SNAI1: variants seen among roughly 807,000 people sequenced by gnomAD.
SNAI1 encodes the protein zinc finger protein SNAI1.
Under a neutral mutation model 24.7 loss-of-function variants are expected in SNAI1, and 15 were observed. The ratio of observed to expected loss-of-function variants is 0.61; its 90% CI spans 0.41 to 0.93. The LOEUF is 0.93. Ranked by LOEUF, SNAI1 falls within the 40% of genes least tolerant of loss-of-function variation. The pLI, the probability that SNAI1 is intolerant of heterozygous loss-of-function variation, is 0.00. For synonymous variants in SNAI1, 163 were observed against 142.9 expected (o/e 1.14, Z -1.00); for missense variants, 283 against 336.7 (o/e 0.84, Z 1.25).
chr20:49,985,539 C>T (rs1021957413), intron 2 of SNAI1, among the ~76,000 whole-genome samples: 1 of 152,226 alleles, frequency 6.6e-6, no homozygotes, highest in Non-Finnish European at 1.5e-5. Flanking sequence ...TTGAACCCCT[C>T]AGGGTGCTGC....
chr20:49,984,754 C>T lies in SNAI1; in HGVS notation c.610+403C>T, dbSNP rs2078328756. 2.0e-5 allele frequency among the ~76,000 whole-genome samples: 3 copies of T among 152,238 alleles called. No homozygotes were observed. The South Asian group carries it at 6.2e-4, about 31-fold the overall frequency. On this transcript the variant is annotated intron_variant, in intron 2 of 2. Transcript: ENST00000244050. ...CTGAATCCTTCTTTGAGAACTTTCT[C>T]AAAACTTAGGCTGATGTTTCTCTTC...
At position 49,988,849 on chromosome 20, in the gene SNAI1, T is replaced by C. The variant is rs916509166; in HGVS notation, c.*793T>C. The C allele has an allele frequency of 6.6e-6, 1 of 152,668 alleles. No homozygotes were observed. Among genetic ancestry groups the C allele is most frequent in the African/African-American group, 2.4e-5 (1 of 41,458 alleles). 9.5% of individuals were successfully genotyped at this position (152,668 alleles called of 1,614,324 possible). A position where few individuals can be genotyped will look rare whatever the true frequency, so the allele number is the denominator to read the frequency against. ...TTTGTATAGTTATATGTACAGTTTA[T>C]TGATATTCAATAAAGCAGTTAATTT... is the stretch of plus-strand genomic sequence containing the variant. On this transcript the variant is annotated 3_prime_UTR_variant, in exon 3 of 3. Coordinates refer to ENST00000244050, the MANE Select transcript of SNAI1 (RefSeq NM_005985.4).
rs77654531 is a variant in SNAI1, at chr20:49,986,306, T to C, written c.611-1566T>C. 0.016 allele frequency among the ~76,000 whole-genome samples: 2,401 copies of C among 151,772 alleles called. 191 individuals are homozygous for C. The East Asian group carries it at 0.24, about 15-fold the overall frequency. On this transcript the variant is annotated intron_variant, in intron 2 of 2. Coordinates refer to ENST00000244050, the MANE Select transcript of SNAI1 (RefSeq NM_005985.4). ...CCTCTATGTCCCCCACCCTTTGGAGTGGCGAGTTTCCATTTCTGCCCCATG... is the reference window on the plus strand; with the variant it reads ...CCTCTATGTCCCCCACCCTTTGGAGCGGCGAGTTTCCATTTCTGCCCCATG...
At position 49,986,015 on chromosome 20, in the gene SNAI1, G is replaced by A. The variant is rs552781081; in HGVS notation, c.610+1664G>A. 2.2e-5 allele frequency among the ~76,000 whole-genome samples: 3 copies of A among 139,462 alleles called. No individual in the cohort carries two copies. The East Asian group carries it at 5.9e-4, about 27-fold the overall frequency. The allele number at this position is 139,462 out of a possible 152,430, so 91.5% of individuals were successfully genotyped here. A position where few individuals can be genotyped will look rare whatever the true frequency, so the allele number is the denominator to read the frequency against. On this transcript the variant is annotated intron_variant, in intron 2 of 2. Coordinates refer to ENST00000244050, the MANE Select transcript of SNAI1 (RefSeq NM_005985.4). ...GGGTTCAGGTCTCATCACACTTTGG[G>A]CACTTACTGTACAGGAGGGTAGTGC... is the stretch of plus-strand genomic sequence containing the variant.
chr20:49,983,772 T>C lies in SNAI1; in HGVS notation c.83-52T>C. On this transcript the variant is annotated intron_variant, in intron 1 of 2. Coordinates refer to ENST00000244050, the MANE Select transcript of SNAI1 (RefSeq NM_005985.4). ...CTGGCCAGCGGTGGGCTCATGTTTG[T>C]TGATTGAGTGAATGATTTAATTAAC... 2.0e-6 allele frequency: 3 copies of C among 1,507,340 alleles called. No individual in the cohort carries two copies. The South Asian group carries it at 3.9e-5, about 19-fold the overall frequency. The allele number at this position is 1,507,340 out of a possible 1,614,324, so 93.4% of individuals were successfully genotyped here.
At chr20:49,984,557 C>T (rs1049221068) in intron 2 of SNAI1, among the ~76,000 whole-genome samples, 7 of 152,234 alleles carry the variant, frequency 4.6e-5, no homozygotes, top group African/African-American at 1.7e-4. Context: ...GACACCTTCC[C>T]AATCCCCTGC....
chr20:49,987,015 G>C (rs901375201), intron 2 of SNAI1, among the ~76,000 whole-genome samples: 22 of 152,342 alleles, frequency 1.4e-4, no homozygotes, highest in African/African-American at 5.3e-4. Flanking sequence ...CCATGTGCAA[G>C]ACTTTTCCCA....
At chr20:49,985,912 G>A (rs2078332472) in intron 2 of SNAI1, among the ~76,000 whole-genome samples, 1 of 152,240 alleles carries the variant, frequency 6.6e-6, no homozygotes, top group South Asian at 2.1e-4. Context: ...AGGAGTGGGG[G>A]TCTGTGCCTC....
Position 49,983,023 on chromosome 20 carries a change from T to G in SNAI1, c.-37T>G. The G allele has an allele frequency of 6.6e-7, 1 of 1,511,596 alleles. No homozygotes were observed. The highest frequency in any genetic ancestry group is 9.1e-7 in the Non-Finnish European group (1 of 1,100,336). The allele number at this position is 1,511,596 out of a possible 1,614,324, so 93.6% of individuals were successfully genotyped here. On this transcript the variant is annotated 5_prime_UTR_variant, in exon 1 of 3. Transcript: ENST00000244050. ...CTAGCGAGTGGTTCTTCTGCGCTAC[T>G]GCTGCGCGAATCGGCGACCCCAGTG...
chr20:49,983,902 C>T lies in SNAI1; in HGVS notation c.161C>T (p.Ala54Val), dbSNP rs1027943358. 1 of 1,613,408 alleles carries T rather than the reference C, an allele frequency of 6.2e-7. No homozygotes were observed. Among genetic ancestry groups the T allele is most frequent in the Non-Finnish European group, 8.5e-7 (1 of 1,180,000 alleles). ...CCTCCGGAGATCCTCAACCCCACCG[C>T]CTCGCTGCCAATGCTCATCTGGGAC... Reference protein sequence around the residue: ...IPPPEILNPTASLPMLIWDSV... With the variant: ...IPPPEILNPTVSLPMLIWDSV... Residue 54 changes from alanine (A) to valine (V), a missense_variant, in exon 2 of 3, where the codon GCC becomes GTC. Transcript: ENST00000244050.
Position 49,988,078 on chromosome 20 carries a change from C to T in SNAI1, c.*22C>T, listed in dbSNP as rs752647667. 1.3e-6 allele frequency: 2 copies of T among 1,561,610 alleles called. No homozygotes were observed. Among genetic ancestry groups the T allele is most frequent in the East Asian group, 2.3e-5 (1 of 44,140 alleles). On this transcript the variant is annotated 3_prime_UTR_variant, in exon 3 of 3. Transcript: ENST00000244050. ...CTGACCCTCGAGGCTCCCTCTTCCT[C>T]TCCATACCTGCCCCTGCCTGACAGC...
In SNAI1 at chr20:49,984,326, A is replaced by G. The variant is rs756338418; in HGVS notation, c.585A>G (p.Leu195=). 66 of 1,608,552 alleles carry G rather than the reference A, an allele frequency of 4.1e-5. No homozygotes were observed. The highest frequency in any genetic ancestry group is 5.4e-5 in the Non-Finnish European group (64 of 1,177,896). The part of the protein sequence containing the change: ...CGKAFSRPWL[L]QGHVRTHTGE... ...AGGCCTTCTCTAGGCCCTGGCTGCT[A>G]CAAGGCCATGTCCGGACCCACACTG... The change falls in exon 2 of 3, where the codon CTA becomes CTG. Residue 195 remains leucine, a synonymous_variant. Coordinates refer to ENST00000244050, the MANE Select transcript of SNAI1 (RefSeq NM_005985.4).
In SNAI1 at chr20:49,983,883, G is replaced by T; in HGVS notation, c.142G>T (p.Glu48Ter). 6.2e-7 allele frequency: 1 copy of T among 1,612,552 alleles called. No homozygotes were observed. Among genetic ancestry groups the T allele is most frequent in the Non-Finnish European group, 8.5e-7 (1 of 1,179,720 alleles). ...CCTGCTGGCAGCCATCCCACCTCCGGAGATCCTCAACCCCACCGCCTCGCT... is the reference window on the plus strand; with the variant it reads ...CCTGCTGGCAGCCATCCCACCTCCGTAGATCCTCAACCCCACCGCCTCGCT... ...AHLLAAIPPP[E>*]ILNPTASLPM... Residue 48 changes from glutamate (E) to a stop codon, truncating the protein, a stop_gained, in exon 2 of 3, where the codon GAG becomes TAG. Transcript: ENST00000244050. LOFTEE classifies it high-confidence loss of function.
chr20:49,988,290 T>G lies in SNAI1; in HGVS notation c.*234T>G. On this transcript the variant is annotated 3_prime_UTR_variant, in exon 3 of 3. Coordinates refer to ENST00000244050, the MANE Select transcript of SNAI1 (RefSeq NM_005985.4). Reference sequence around the variant, plus strand: ...GCCATTTCTGTGGAGGGAGGGCAGCTGGCCCCCAGCCCTGGGGGATTCCTG... The same window carrying G: ...GCCATTTCTGTGGAGGGAGGGCAGCGGGCCCCCAGCCCTGGGGGATTCCTG... 2.0e-6 allele frequency: 1 copy of G among 509,100 alleles called. No individual in the cohort carries two copies. The highest frequency in any genetic ancestry group is 3.5e-6 in the Non-Finnish European group (1 of 289,692). The allele number at this position is 509,100 out of a possible 1,614,324, so 31.5% of individuals were successfully genotyped here. A position where few individuals can be genotyped will look rare whatever the true frequency, so the allele number is the denominator to read the frequency against.
In SNAI1 at chr20:49,988,059, C is replaced by T. The variant is rs112146891; in HGVS notation, c.*3C>T. ...GCTGCTCAGGATGTCCCCGCTGACC[C>T]TCGAGGCTCCCTCTTCCTCTCCATA... is the stretch of plus-strand genomic sequence containing the variant. On this transcript the variant is annotated 3_prime_UTR_variant, in exon 3 of 3. Coordinates refer to ENST00000244050, the MANE Select transcript of SNAI1 (RefSeq NM_005985.4). The T allele has an allele frequency of 3.8e-6, 6 of 1,584,618 alleles. No individual in the cohort carries two copies. In the African/African-American group the frequency reaches 8.0e-5, roughly 21 times the overall value.
At chr20:49,983,752 C>A in intron 1 of SNAI1, 72 bp from the exon 2 acceptor site, 1 of 1,426,858 alleles carries the variant, frequency 7.0e-7, no homozygotes, top group South Asian at 1.3e-5. Context: ...AGCCCCTGGC[C>A]AGCGGTGGGC....
chr20:49,986,359 A>G (rs968403141), intron 2 of SNAI1, among the ~76,000 whole-genome samples: 1 of 151,918 alleles, frequency 6.6e-6, no homozygotes. Context: ...CAGGCGCTCC[A>G]TAAGTCCCTA....
At chr20:49,985,708 G>C (rs932886739) in intron 2 of SNAI1, among the ~76,000 whole-genome samples, 1 of 152,236 alleles carries the variant, frequency 6.6e-6, no homozygotes, top group African/African-American at 2.4e-5. Flanking sequence ...GGGAGGGGTG[G>C]AGCAGGTGCA....
chr20:49,985,725 A>G (rs2078331855), intron 2 of SNAI1, among the ~76,000 whole-genome samples: 2 of 152,326 alleles, frequency 1.3e-5, no homozygotes, highest in South Asian at 4.1e-4. Context: ...TGCATGGGGC[A>G]GCGGTGCCCA....
Sources: allele counts gnomAD v4.1 joint callset (sites outside exome capture counted in the v4.1 genomes callset), GRCh38; gene constraint gnomAD v4.1.1; transcripts MANE v1.5; gene names NCBI Gene and HGNC (gene_info 2026-07-23, HGNC 2026-07-21).